The following CFAP47 variants were observed in gnomAD, a reference collection of about 807,000 sequenced individuals.
The protein encoded by CFAP47 is cilia and flagella associated protein 47.
In CFAP47, 29 loss-of-function variants were observed where a neutral mutation model predicts 148.1. That is an observed-to-expected ratio of 0.20 (90% CI 0.15 to 0.27). The LOEUF is 0.27. CFAP47 is among the 10% of genes least tolerant of loss of function. The pLI is 1.00. For missense variants in CFAP47, 1,872 were observed against 1,697.5 expected, an observed-to-expected ratio of 1.10 and a Z score of -1.81; for synonymous variants, 664 against 577.3, an observed-to-expected ratio of 1.15 and a Z score of -2.15.
At chrX:36,226,829 C>T (rs986463431) in intron 45 of CFAP47, among the ~76,000 whole-genome samples, 2 of 111,096 alleles carry the variant, frequency 1.8e-5, no homozygotes, top group African/African-American at 3.3e-5. Flanking sequence ...TGAACTTGTG[C>T]GTTGCAATGA....
chrX:35,955,698 C>T (rs943931122), intron 7 of CFAP47, among the ~76,000 whole-genome samples: 2 of 112,168 alleles, frequency 1.8e-5, no homozygotes, highest in African/African-American at 6.5e-5. Flanking sequence ...GCTGTGTAAA[C>T]ATATAACATT....
intron 49 of CFAP47, among the ~76,000 whole-genome samples, chrX:36,265,247 G>C (rs957226475): frequency 1.8e-5 from 2 of 111,655 alleles, no homozygotes; most frequent in Admixed American, 1.9e-4. Flanking sequence ...ATTTTTTTGT[G>C]GGTTGATTTT....
At chrX:36,230,627 T>G (rs1940338189) in intron 46 of CFAP47, among the ~76,000 whole-genome samples, 1 of 109,989 alleles carries the variant, frequency 9.1e-6, no homozygotes, top group Non-Finnish European at 1.9e-5. Flanking sequence ...AGATCCCATT[T>G]GTCAATTTTG....
At chrX:36,064,801 A>G (rs2146752809) in intron 26 of CFAP47, among the ~76,000 whole-genome samples, 1 of 112,191 alleles carries the variant, frequency 8.9e-6, no homozygotes, top group Non-Finnish European at 1.9e-5. Flanking sequence ...TCAGTTGCAC[A>G]AGAATAGAAT....
intron 22 of CFAP47, among the ~76,000 whole-genome samples, chrX:36,018,072 T>A (rs7876479): frequency 0.17 from 18,879 of 110,468 alleles, 1,814 homozygotes; most frequent in African/African-American, 0.33. Context: ...CATTGTAGAG[T>A]TCTTTCACTT....
intron 42 of CFAP47, among the ~76,000 whole-genome samples, chrX:36,194,285 G>C (rs1044471637): frequency 9.0e-6 from 1 of 111,138 alleles, no homozygotes; most frequent in Non-Finnish European, 1.9e-5. Flanking sequence ...AGTTGTATTA[G>C]TCCATTCTTG....
chrX:36,265,472 T>C (rs1940879897), intron 49 of CFAP47, among the ~76,000 whole-genome samples: 1 of 111,857 alleles, frequency 8.9e-6, no homozygotes, highest in Non-Finnish European at 1.9e-5. Flanking sequence ...TGGACGTCCT[T>C]GTCTTGTTTC....
chrX:36,127,015 T>C (rs1405589184), intron 33 of CFAP47, among the ~76,000 whole-genome samples: 2 of 112,478 alleles, frequency 1.8e-5, no homozygotes, highest in Non-Finnish European at 3.8e-5. Context: ...ATGGATAGAT[T>C]GCAAATATTT....
intron 33 of CFAP47, among the ~76,000 whole-genome samples, chrX:36,135,699 G>A (rs1939032708): frequency 8.9e-6 from 1 of 111,776 alleles, no homozygotes; most frequent in South Asian, 3.7e-4. Context: ...GAATTTTGGG[G>A]GTGATCACAC....
intron 37 of CFAP47, among the ~76,000 whole-genome samples, chrX:36,151,188 T>C (rs1161552972): frequency 8.9e-6 from 1 of 112,301 alleles, no homozygotes; most frequent in African/African-American, 3.2e-5. Flanking sequence ...AGTTCATATT[T>C]GTTATTTTTA....
chrX:36,263,166 T>C (rs12011312), intron 49 of CFAP47, among the ~76,000 whole-genome samples: 38,040 of 111,139 alleles, frequency 0.34, 7,076 homozygotes, highest in African/African-American at 0.72. Flanking sequence ...TGGGTTGTCA[T>C]TTCACTTTGT....
chrX:36,278,519 A>G (rs1338128873), intron 49 of CFAP47, among the ~76,000 whole-genome samples: 5 of 112,358 alleles, frequency 4.5e-5, no homozygotes, highest in Non-Finnish European at 7.5e-5. Context: ...GGCTAGGAAA[A>G]GCAAATCCCC....
chrX:36,065,759 C>T lies in CFAP47; in HGVS notation c.4318+16C>T, dbSNP rs1937632480. 2.1e-6 allele frequency: 2 copies of T among 937,497 alleles called. No homozygotes were observed. Among genetic ancestry groups the T allele is most frequent in the Non-Finnish European group, 3.0e-6 (2 of 657,218 alleles). 77.3% of individuals were successfully genotyped at this position (937,497 alleles called of 1,213,427 possible). On this transcript the variant is annotated intron_variant, in intron 27 of 63. Transcript: ENST00000378653. ...TTAAAGAATGGTAAGCTATGTATGA[C>T]TTATTTATCCCTAACTCTCACTGTA...
intron 45 of CFAP47, among the ~76,000 whole-genome samples, chrX:36,225,240 T>C (rs1026525389): frequency 1.8e-5 from 2 of 111,809 alleles, no homozygotes; most frequent in Admixed American, 1.9e-4. Flanking sequence ...CCACATAACA[T>C]ATGTCTAAAT....
At chrX:36,097,810 G>A (rs910701703) in intron 30 of CFAP47, among the ~76,000 whole-genome samples, 8 of 110,701 alleles carry the variant, frequency 7.2e-5, no homozygotes, top group South Asian at 7.6e-4. Context: ...ACATTCATTC[G>A]GATATTGGAT....
At chrX:36,379,766 T>C in intron 63 of CFAP47, 1 of 282,078 alleles carries the variant, frequency 3.5e-6, no homozygotes, top group Non-Finnish European at 6.3e-6. Flanking sequence ...TTTCCTTCCA[T>C]ATTAAGGAAC....
At chrX:36,357,980 C>T (rs191144214) in intron 60 of CFAP47, among the ~76,000 whole-genome samples, 19 of 111,562 alleles carry the variant, frequency 1.7e-4, no homozygotes, top group Admixed American at 3.8e-4. Context: ...CTTCCTGTGT[C>T]GTATTTGCCT....
chrX:36,024,928 T>C (rs1367713465), intron 22 of CFAP47, among the ~76,000 whole-genome samples: 1 of 111,522 alleles, frequency 9.0e-6, no homozygotes, highest in South Asian at 3.8e-4. Flanking sequence ...GAGGACCTTC[T>C]GTTTCAACAT....
chrX:36,341,478 C>T lies in CFAP47; in HGVS notation c.8444-6651C>T, dbSNP rs192320373. Among the ~76,000 whole-genome samples the T allele has an allele frequency of 7.3e-4, 81 of 111,036 alleles. 2 individuals are homozygous for T. In the Admixed American group the frequency reaches 7.7e-3, roughly 11 times the overall value. On this transcript the variant is annotated intron_variant, in intron 57 of 63. Transcript: ENST00000378653. ...AACTAAAGTGATGAAAAATGAATTG[C>T]CCAAGTTGAAATAATTTTATTACTA...
Sources: allele counts gnomAD v4.1 joint callset (sites outside exome capture counted in the v4.1 genomes callset), GRCh38; gene constraint gnomAD v4.1.1; transcripts MANE v1.5; gene names NCBI Gene and HGNC (gene_info 2026-07-23, HGNC 2026-07-21).